The following LRP1B variants were observed in gnomAD, a reference collection of about 807,000 sequenced individuals.
The protein encoded by LRP1B is low-density lipoprotein receptor-related protein 1B.
Under a neutral mutation model 556.6 loss-of-function variants are expected in LRP1B, and 217 were observed. The observed-to-expected ratio is 0.39, with a 90% confidence interval of 0.35 to 0.44. LRP1B has a LOEUF of 0.44. Ranked by LOEUF, LRP1B falls within the 20% of genes least tolerant of loss-of-function variation. The pLI is 1.00. For synonymous variants in LRP1B, 2,047 were observed against 1,865.8 expected, an observed-to-expected ratio of 1.10 and a Z score of -2.50; for missense variants, 5,053 against 5,620.8, an observed-to-expected ratio of 0.90 and a Z score of 3.23.
intron 12 of LRP1B, 64 bp from the exon 13 acceptor site, chr2:141,015,979 C>A: frequency 3.3e-6 from 4 of 1,229,418 alleles, no homozygotes; most frequent in Non-Finnish European, 4.8e-6. Context: ...AGTATAGACA[C>A]TTCCTCAGAT....
At chr2:140,594,336 C>T (rs1244439903) in intron 43 of LRP1B, among the ~76,000 whole-genome samples, 5 of 151,462 alleles carry the variant, frequency 3.3e-5, no homozygotes, top group Non-Finnish European at 7.4e-5. Context: ...AAGCTACATG[C>T]TGTTTTCCAT....
chr2:141,994,470 A>T (rs1702432620), intron 1 of LRP1B, among the ~76,000 whole-genome samples: 1 of 152,176 alleles, frequency 6.6e-6, no homozygotes, highest in Admixed American at 6.6e-5. Context: ...ATTTTCATGC[A>T]TTATTTCTAG....
intron 15 of LRP1B, among the ~76,000 whole-genome samples, chr2:140,997,975 C>A (rs1697302456): frequency 6.6e-6 from 1 of 151,980 alleles, no homozygotes; most frequent in African/African-American, 2.4e-5. Context: ...GCACAGAGGG[C>A]CATAAATATT....
At chr2:142,124,156 C>T (rs569959788) in intron 1 of LRP1B, among the ~76,000 whole-genome samples, 52 of 151,802 alleles carry the variant, frequency 3.4e-4, no homozygotes, top group African/African-American at 1.2e-3. Flanking sequence ...AGCCCAGTGC[C>T]CAATAGTTAT....
At chr2:140,595,106 A>ATATATC (rs1682385156) in intron 43 of LRP1B, among the ~76,000 whole-genome samples, 1 of 42,444 alleles carries the variant, frequency 2.4e-5, no homozygotes, top group African/African-American at 1.0e-4. Context: ...ATATATATAT[A>ATATATC]TATATATATA....
At chr2:141,563,711 A>T (rs906682803) in intron 2 of LRP1B, among the ~76,000 whole-genome samples, 1 of 152,102 alleles carries the variant, frequency 6.6e-6, no homozygotes, top group Non-Finnish European at 1.5e-5. Flanking sequence ...GAACGAGATC[A>T]TGTCCTTTGC....
At chr2:141,155,397 C>A (rs189409083) in intron 7 of LRP1B, among the ~76,000 whole-genome samples, 92 of 151,874 alleles carry the variant, frequency 6.1e-4, no homozygotes, top group Admixed American at 4.1e-3. Flanking sequence ...TTGGTAAGTA[C>A]ATGAAATATA....
intron 21 of LRP1B, among the ~76,000 whole-genome samples, chr2:140,916,467 AG>A (rs1202649744): frequency 6.6e-6 from 1 of 152,198 alleles, no homozygotes; most frequent in African/African-American, 2.4e-5. Context: ...ATCAGAACAG[AG>A]TATGATGCCA....
chr2:140,782,997 C>T (rs1176172738), intron 32 of LRP1B, among the ~76,000 whole-genome samples: 9 of 152,122 alleles, frequency 5.9e-5, no homozygotes, highest in Non-Finnish European at 1.3e-4. Context: ...CACTACACTG[C>T]CCTATTCGAA....
At chr2:141,602,616 C>T (rs969865568) in intron 2 of LRP1B, among the ~76,000 whole-genome samples, 3 of 152,140 alleles carry the variant, frequency 2.0e-5, no homozygotes, top group Non-Finnish European at 1.5e-5. Context: ...ACTCTAAACT[C>T]CCTAAAAAAT....
At chr2:142,039,270 C>A (rs1216497318) in intron 1 of LRP1B, among the ~76,000 whole-genome samples, 1 of 151,518 alleles carries the variant, frequency 6.6e-6, no homozygotes, top group African/African-American at 2.4e-5. Context: ...GAGATAGCCA[C>A]AGATGGCTCC....
At chr2:141,978,095 T>C (rs1441379882) in intron 1 of LRP1B, among the ~76,000 whole-genome samples, 1 of 152,160 alleles carries the variant, frequency 6.6e-6, no homozygotes, top group Non-Finnish European at 1.5e-5. Flanking sequence ...TATTAATTTA[T>C]TCTCATCTCA....
chr2:140,279,555 A>G (rs80191193), intron 84 of LRP1B, among the ~76,000 whole-genome samples: 3 of 151,944 alleles, frequency 2.0e-5, no homozygotes, highest in Non-Finnish European at 4.4e-5. Context: ...ACCTCTCTAT[A>G]TACTCTCACA....
intron 1 of LRP1B, among the ~76,000 whole-genome samples, chr2:141,894,506 C>T (rs554208797): frequency 6.6e-6 from 1 of 152,174 alleles, no homozygotes; most frequent in South Asian, 2.1e-4. Context: ...ATTACTAAGA[C>T]TACCTCACAG....
At chr2:141,623,702 T>C (rs1022303048) in intron 2 of LRP1B, among the ~76,000 whole-genome samples, 2 of 148,010 alleles carry the variant, frequency 1.4e-5, no homozygotes, top group Non-Finnish European at 3.0e-5. Flanking sequence ...AGAGACATGT[T>C]ATGACCTCTA....
intron 2 of LRP1B, among the ~76,000 whole-genome samples, chr2:141,586,442 T>C (rs960504912): frequency 1.1e-4 from 16 of 152,168 alleles, no homozygotes; most frequent in African/African-American, 3.4e-4. Flanking sequence ...ATAGCTTTGG[T>C]CCAGTACAAG....
At chr2:142,080,373 G>A (rs1185204617) in intron 1 of LRP1B, among the ~76,000 whole-genome samples, 1 of 152,130 alleles carries the variant, frequency 6.6e-6, no homozygotes, top group African/African-American at 2.4e-5. Context: ...CTGAGTCTTA[G>A]GGTCATGGTT....
intron 3 of LRP1B, among the ~76,000 whole-genome samples, chr2:141,471,931 C>G (rs1417635369): frequency 6.6e-6 from 1 of 152,172 alleles, no homozygotes; most frequent in Non-Finnish European, 1.5e-5. Flanking sequence ...TAGATAAACA[C>G]AGGCTACCAG....
intron 32 of LRP1B, among the ~76,000 whole-genome samples, chr2:140,789,106 T>A (rs1409408646): frequency 6.6e-6 from 1 of 152,002 alleles, no homozygotes; most frequent in East Asian, 1.9e-4. Flanking sequence ...ACTAATATAC[T>A]CCCCCATATC....
Sources: allele counts gnomAD v4.1 joint callset (sites outside exome capture counted in the v4.1 genomes callset), GRCh38; gene constraint gnomAD v4.1.1; transcripts MANE v1.5; gene names NCBI Gene and HGNC (gene_info 2026-07-23, HGNC 2026-07-21).